Variants in NRG3 observed in about 807,000 individuals in gnomAD.
The protein encoded by NRG3 is pro-neuregulin-3, membrane-bound isoform.
A neutral mutation model predicts 66.9 loss-of-function variants in NRG3; 31 were observed. The observed-to-expected ratio is 0.46, with a 90% CI of 0.35 to 0.63. NRG3 has a LOEUF of 0.63. NRG3 is among the 20% of genes least tolerant of loss of function. The pLI is 0.00. For synonymous variants in NRG3, 393 were observed against 359.4 expected (o/e 1.09, Z -1.06); for missense variants, 910 against 878.9 (o/e 1.04, Z -0.45).
At chr10:82,507,473 G>C (rs1274600765) in intron 2 of NRG3, among the ~76,000 whole-genome samples, 4 of 152,202 alleles carry the variant, frequency 2.6e-5, no homozygotes, top group African/African-American at 9.7e-5. Context: ...CAAGCCTGAA[G>C]GGAACAGGTG....
chr10:82,593,216 A>G (rs528232291), intron 2 of NRG3, among the ~76,000 whole-genome samples: 1 of 152,172 alleles, frequency 6.6e-6, no homozygotes, highest in Admixed American at 6.5e-5. Flanking sequence ...CCAAGAACAT[A>G]TAAGGGGGAA....
chr10:82,141,383 A>T (rs1167880954), intron 1 of NRG3, among the ~76,000 whole-genome samples: 2 of 152,166 alleles, frequency 1.3e-5, no homozygotes, highest in East Asian at 3.9e-4. Context: ...CATCCCCCAG[A>T]CCTGCAGACT....
chr10:82,857,426 G>C (rs573088590), intron 3 of NRG3, among the ~76,000 whole-genome samples: 2 of 147,576 alleles, frequency 1.4e-5, no homozygotes, highest in African/African-American at 5.4e-5. Context: ...ATGACTGATG[G>C]CCTGTCTGGT....
chr10:82,794,291 A>G (rs1181981704), intron 3 of NRG3, among the ~76,000 whole-genome samples: 1 of 152,142 alleles, frequency 6.6e-6, no homozygotes, highest in African/African-American at 2.4e-5. Context: ...ACCTTTTGGA[A>G]TCAGTTTTAG....
intron 1 of NRG3, among the ~76,000 whole-genome samples, chr10:82,124,413 A>T (rs1241287083): frequency 6.6e-6 from 1 of 152,188 alleles, no homozygotes; most frequent in African/African-American, 2.4e-5. Context: ...CCCAAAATAT[A>T]TACTTTTTAC....
At chr10:82,286,550 C>T (rs990108694) in intron 1 of NRG3, among the ~76,000 whole-genome samples, 2 of 152,108 alleles carry the variant, frequency 1.3e-5, no homozygotes, top group African/African-American at 4.8e-5. Context: ...CAATTTAATT[C>T]TTTTATCCTC....
intron 2 of NRG3, among the ~76,000 whole-genome samples, chr10:82,664,175 A>G (rs184604953): frequency 2.0e-5 from 3 of 152,298 alleles, no homozygotes; most frequent in East Asian, 3.9e-4. Flanking sequence ...TGTGGTGACA[A>G]TTGTACTGGG....
intron 1 of NRG3, among the ~76,000 whole-genome samples, chr10:82,072,527 G>C (rs1454879551): frequency 6.6e-6 from 1 of 152,092 alleles, no homozygotes; most frequent in Non-Finnish European, 1.5e-5. Flanking sequence ...TTAATGTTTT[G>C]AGAAAGTGCT....
intron 4 of NRG3, among the ~76,000 whole-genome samples, chr10:82,905,435 G>A (rs1442114329): frequency 2.0e-5 from 3 of 152,196 alleles, no homozygotes; most frequent in African/African-American, 7.2e-5. Flanking sequence ...CAGAAATTGG[G>A]CTTCTAAAAT....
chr10:82,577,330 A>G (rs1032887629), intron 2 of NRG3, among the ~76,000 whole-genome samples: 7 of 151,724 alleles, frequency 4.6e-5, no homozygotes, highest in African/African-American at 1.7e-4. Flanking sequence ...AGTCGTCAAT[A>G]TGTGTTTCAA....
chr10:82,565,795 G>A lies in NRG3; in HGVS notation c.954-172782G>A, dbSNP rs1042440496. 1.3e-5 allele frequency among the ~76,000 whole-genome samples: 2 copies of A among 151,942 alleles called. 1 individual carries two copies. The highest frequency in any genetic ancestry group is 4.1e-4 in the South Asian group (2 of 4,826). ...ATCTAGTACTTAGATTCATTCCAGC[G>A]TTGGAAGGTATGTAATTCTGTTGTG... On this transcript the variant is annotated intron_variant, in intron 2 of 8. Transcript: ENST00000372141.
intron 4 of NRG3, among the ~76,000 whole-genome samples, chr10:82,917,449 C>T (rs769769616): frequency 7.9e-5 from 12 of 152,192 alleles, no homozygotes; most frequent in Non-Finnish European, 1.5e-4. Flanking sequence ...GCTTTCCTGC[C>T]CCTGTGCAGA....
chr10:82,916,701 C>T (rs559429427), intron 4 of NRG3, among the ~76,000 whole-genome samples: 4 of 151,798 alleles, frequency 2.6e-5, no homozygotes, highest in Non-Finnish European at 4.4e-5. Flanking sequence ...ATCTCAGCTC[C>T]GCCTCCCAGG....
intron 1 of NRG3, among the ~76,000 whole-genome samples, chr10:82,014,588 C>T (rs2061709344): frequency 6.6e-6 from 1 of 152,140 alleles, no homozygotes; most frequent in African/African-American, 2.4e-5. Context: ...TGTGCCTTGC[C>T]TAAATCTGTC....
At chr10:82,361,264 T>A (rs1460169099) in intron 2 of NRG3, among the ~76,000 whole-genome samples, 1 of 152,212 alleles carries the variant, frequency 6.6e-6, no homozygotes, top group Non-Finnish European at 1.5e-5. Context: ...TCTTGCATAT[T>A]TCAGTACAGA....
At chr10:82,772,934 G>A (rs1162095742) in intron 3 of NRG3, among the ~76,000 whole-genome samples, 1 of 151,602 alleles carries the variant, frequency 6.6e-6, no homozygotes, top group African/African-American at 2.4e-5. Flanking sequence ...TGAACTCCTA[G>A]GCTCAAGTGA....
intron 1 of NRG3, among the ~76,000 whole-genome samples, chr10:82,208,807 A>G (rs764610059): frequency 9.2e-5 from 14 of 152,136 alleles, no homozygotes; most frequent in Non-Finnish European, 1.8e-4. Flanking sequence ...AACTGCTACC[A>G]TGGCTCATTA....
intron 1 of NRG3, among the ~76,000 whole-genome samples, chr10:81,959,095 TG>T (rs1385913810): frequency 2.0e-5 from 3 of 152,158 alleles, no homozygotes; most frequent in Non-Finnish European, 4.4e-5. Flanking sequence ...ACAATATATA[TG>T]TATAAATATT....
intron 2 of NRG3, among the ~76,000 whole-genome samples, chr10:82,648,414 A>T (rs1475927403): frequency 6.6e-6 from 1 of 152,022 alleles, no homozygotes; most frequent in African/African-American, 2.4e-5. Flanking sequence ...GTAGCCTTGT[A>T]GTATAGTTTG....
Sources: allele counts gnomAD v4.1 joint callset (sites outside exome capture counted in the v4.1 genomes callset), GRCh38; gene constraint gnomAD v4.1.1; transcripts MANE v1.5; gene names NCBI Gene and HGNC (gene_info 2026-07-23, HGNC 2026-07-21).